SLCO3A1: variants seen among roughly 807,000 people sequenced by gnomAD.
SLCO3A1 encodes solute carrier organic anion transporter family member 3A1.
A neutral mutation model predicts 63.1 loss-of-function variants in SLCO3A1; 27 were observed. That is an observed-to-expected ratio of 0.43 (90% CI 0.32 to 0.59). The LOEUF (loss-of-function observed/expected upper bound fraction) is 0.59. Ranked by LOEUF, SLCO3A1 falls within the 20% of genes least tolerant of loss-of-function variation. The probability of loss-of-function intolerance (pLI) is 0.09; values close to 1 mark genes in which losing one functional copy is unlikely to be tolerated. For missense variants in SLCO3A1, 773 were observed against 945.8 expected, an observed-to-expected ratio of 0.82 and a Z score of 2.40; for synonymous variants, 473 against 409.9, an observed-to-expected ratio of 1.15 and a Z score of -1.86.
chr15:91,923,867 T>C (rs1898926751), intron 2 of SLCO3A1, among the ~76,000 whole-genome samples: 1 of 152,258 alleles, frequency 6.6e-6, no homozygotes, highest in Admixed American at 6.5e-5. Context: ...TACATCATTT[T>C]AGATAATTGC....
chr15:92,091,246 CT>C (rs949138605), intron 2 of SLCO3A1, among the ~76,000 whole-genome samples: 3 of 152,156 alleles, frequency 2.0e-5, no homozygotes, highest in Non-Finnish European at 2.9e-5. Context: ...CAAAGAAAGC[CT>C]TCAGACCTCC....
chr15:91,867,431 A>G (rs1022634592), intron 1 of SLCO3A1, among the ~76,000 whole-genome samples: 7 of 152,182 alleles, frequency 4.6e-5, no homozygotes, highest in African/African-American at 1.7e-4. Flanking sequence ...CTCTGTATTA[A>G]ACCTCTCTTT....
intron 9 of SLCO3A1, among the ~76,000 whole-genome samples, chr15:92,161,047 A>G (rs1014410936): frequency 3.9e-5 from 6 of 152,152 alleles, no homozygotes; most frequent in Admixed American, 2.6e-4. Context: ...TGAAATTCAG[A>G]TGCTCTAGGA....
chr15:92,039,657 C>T (rs958407167), intron 2 of SLCO3A1, among the ~76,000 whole-genome samples: 3 of 152,118 alleles, frequency 2.0e-5, no homozygotes, highest in Non-Finnish European at 2.9e-5. Flanking sequence ...GACAGTGTGG[C>T]GATTCCTCAA....
chr15:92,151,054 T>C (rs1167953119), intron 9 of SLCO3A1, 40 bp downstream of exon 9: 2 of 1,344,956 alleles, frequency 1.5e-6, no homozygotes, highest in South Asian at 2.4e-5. Context: ...ATGAATTGGA[T>C]GCTTATTACT....
rs1298907207 is a variant in SLCO3A1 at position 91,875,876 on chromosome 15, C to G, written c.180+21788C>G. Among the ~76,000 whole-genome samples the G allele has an allele frequency of 6.6e-6, 1 of 152,178 alleles. No individual in the cohort carries two copies. The highest frequency in any genetic ancestry group is 2.4e-5 in the African/African-American group (1 of 41,438). On this transcript the variant is annotated intron_variant, in intron 1 of 9. Coordinates refer to ENST00000318445, the MANE Select transcript of SLCO3A1 (RefSeq NM_013272.4). The surrounding 1 kb of genome is among the most constrained non-coding windows in gnomAD (Gnocchi z 4.5). The stretch of plus-strand genomic sequence containing the variant: ...ATTATCATCATCATGTGACAGAAAC[C>G]ATATTGCCTGCAAGTAATATGGCCT...
chr15:91,926,596 T>TGTGTGTGTGTGTGCGCGCGC, intron 2 of SLCO3A1, among the ~76,000 whole-genome samples: 75 of 105,304 alleles, frequency 7.1e-4, no homozygotes, highest in African/African-American at 2.4e-3. Context: ...TGTGTGTGTG[T>TGTGTGTGTGTGTGCGCGCGC]GCGCGCGCGC....
chr15:91,991,283 T>G (rs1225439604), intron 2 of SLCO3A1, among the ~76,000 whole-genome samples: 1 of 152,134 alleles, frequency 6.6e-6, no homozygotes, highest in Non-Finnish European at 1.5e-5. Context: ...GGGGGATCAC[T>G]TGAACCCAGG....
intron 3 of SLCO3A1, among the ~76,000 whole-genome samples, chr15:92,095,213 A>C (rs745473670): frequency 1.3e-5 from 2 of 152,212 alleles, no homozygotes; most frequent in Non-Finnish European, 2.9e-5. Context: ...AACCCCCAAT[A>C]GCTGATTTTA....
In SLCO3A1 at chr15:92,120,649, T is replaced by A; in HGVS notation, c.1174+20T>A. ...TGCTTGGTGAGTGTGTCCTCAGGCC[T>A]CCTGAGAGGGTCGGGGGAGGGTGTC... is the stretch of plus-strand genomic sequence containing the variant. On this transcript the variant is annotated intron_variant, in intron 5 of 9. Coordinates refer to ENST00000318445, the MANE Select transcript of SLCO3A1 (RefSeq NM_013272.4). 1 of 1,586,222 alleles carries A rather than the reference T, an allele frequency of 6.3e-7. No individual in the cohort carries two copies. Among genetic ancestry groups the A allele is most frequent in the Non-Finnish European group, 8.6e-7 (1 of 1,157,694 alleles).
chr15:92,064,679 G>T (rs2047127880), intron 2 of SLCO3A1, among the ~76,000 whole-genome samples: 1 of 152,198 alleles, frequency 6.6e-6, no homozygotes, highest in African/African-American at 2.4e-5. Context: ...AGACACAATG[G>T]AATATTATTC....
At chr15:91,904,386 CTG>C (rs1300137919) in intron 1 of SLCO3A1, among the ~76,000 whole-genome samples, 8 of 152,128 alleles carry the variant, frequency 5.3e-5, no homozygotes, top group African/African-American at 1.9e-4. Context: ...TAGAATTAAA[CTG>C]GGCGTCAGGT....
rs756638986 is a variant in SLCO3A1 at position 92,165,003 on chromosome 15, C to T, written c.*1868C>T. 9.1e-6 allele frequency: 9 copies of T among 985,254 alleles called. No homozygotes were observed. The highest frequency in any genetic ancestry group is 1.1e-5 in the Non-Finnish European group (9 of 829,846). The allele number at this position is 985,254 out of a possible 1,614,324, so 61.0% of individuals were successfully genotyped here. The stretch of plus-strand genomic sequence containing the variant: ...TGCTTTTTCACCTTGGACACATTTG[C>T]ATTTTACCCACAAGGCAAACAAAAG... On this transcript the variant is annotated 3_prime_UTR_variant, in exon 10 of 10. Coordinates refer to ENST00000318445, the MANE Select transcript of SLCO3A1 (RefSeq NM_013272.4).
intron 3 of SLCO3A1, among the ~76,000 whole-genome samples, chr15:92,103,446 C>T (rs886950224): frequency 5.9e-5 from 9 of 152,146 alleles, no homozygotes; most frequent in African/African-American, 2.2e-4. Context: ...TGCATAGCCC[C>T]TTTAAGCACA....
intron 6 of SLCO3A1, among the ~76,000 whole-genome samples, chr15:92,126,529 C>A (rs1266811354): frequency 6.6e-6 from 1 of 152,096 alleles, no homozygotes; most frequent in Non-Finnish European, 1.5e-5. Flanking sequence ...TGGCATTTGA[C>A]TTTAGGAAAA....
At chr15:91,976,893 T>TCACAGGAC (rs983323110) in intron 2 of SLCO3A1, among the ~76,000 whole-genome samples, 3 of 152,058 alleles carry the variant, frequency 2.0e-5, no homozygotes, top group Non-Finnish European at 2.9e-5. Flanking sequence ...CAGGGCGAGA[T>TCACAGGAC]CACAGGACCA....
chr15:92,136,025 G>A (rs940824300), intron 7 of SLCO3A1, among the ~76,000 whole-genome samples: 1 of 152,156 alleles, frequency 6.6e-6, no homozygotes, highest in African/African-American at 2.4e-5. Flanking sequence ...AAATGAGGCA[G>A]GCAGGTGGCT....
chr15:92,105,684 T>G (rs1221276998), intron 4 of SLCO3A1, among the ~76,000 whole-genome samples: 2 of 152,128 alleles, frequency 1.3e-5, no homozygotes, highest in Admixed American at 6.6e-5. Context: ...TCCCCTGACG[T>G]CCTGCTGGAT....
intron 2 of SLCO3A1, among the ~76,000 whole-genome samples, chr15:92,044,336 C>A (rs761376540): frequency 6.6e-6 from 1 of 152,188 alleles, no homozygotes; most frequent in Non-Finnish European, 1.5e-5. Context: ...GGGAACTTAT[C>A]TCTTATCCTG....
Sources: allele counts gnomAD v4.1 joint callset (sites outside exome capture counted in the v4.1 genomes callset), GRCh38; gene constraint gnomAD v4.1.1; non-coding constraint Gnocchi (gnomAD v3.1); transcripts MANE v1.5; gene names NCBI Gene and HGNC (gene_info 2026-07-23, HGNC 2026-07-21).